CARMIL1: variants seen among roughly 807,000 people sequenced by gnomAD.
CARMIL1 encodes the protein capping protein regulator and myosin 1 linker 1.
In CARMIL1, 90 loss-of-function variants were observed where a neutral mutation model predicts 177.1. The ratio of observed to expected loss-of-function variants is 0.51; its 90% confidence interval spans 0.43 to 0.61. The LOEUF (loss-of-function observed/expected upper bound fraction) is 0.61. Ranked by LOEUF, CARMIL1 falls within the 20% of genes least tolerant of loss-of-function variation. CARMIL1 has a pLI of 0.00. For missense variants in CARMIL1, 1,380 were observed against 1,667.0 expected (o/e 0.83, Z 3.00); for synonymous variants, 577 against 606.2 (o/e 0.95, Z 0.71).
At chr6:25,363,397 A>ATT (rs71823484) in intron 2 of CARMIL1, among the ~76,000 whole-genome samples, 1 of 151,778 alleles carries the variant, frequency 6.6e-6, no homozygotes, top group East Asian at 1.9e-4. Flanking sequence ...ACCACGGAAG[A>ATT]TTTTTTTCCT....
chr6:25,619,733 CTTTTTTTTTTTTTT>C lies in CARMIL1; in HGVS notation c.*165_*178del, dbSNP rs59911299. 4.1e-4 allele frequency: 38 copies of C among 93,272 alleles called. No individual in the cohort carries two copies. Among genetic ancestry groups the C allele is most frequent in the African/African-American group, 9.4e-4 (14 of 14,962 alleles). 5.8% of individuals were successfully genotyped at this position (93,272 alleles called of 1,614,324 possible). On this transcript the variant is annotated 3_prime_UTR_variant, in exon 37 of 37. Coordinates refer to ENST00000329474, the MANE Select transcript of CARMIL1 (RefSeq NM_017640.6). ...TTTCGCCCCCACCCCCATCCCCTGC[CTTTTTTTTTTTTTT>C]TTTTTTTTTTTTTTGTATAGAAACA... is the stretch of plus-strand genomic sequence containing the variant.
At chr6:25,427,631 G>A (rs1172434251) in intron 4 of CARMIL1, among the ~76,000 whole-genome samples, 1 of 152,144 alleles carries the variant, frequency 6.6e-6, no homozygotes, top group African/African-American at 2.4e-5. Flanking sequence ...TTGAGAAACC[G>A]TCACACTTTT....
chr6:25,444,779 G>A (rs1326266915), intron 5 of CARMIL1, among the ~76,000 whole-genome samples: 1 of 152,150 alleles, frequency 6.6e-6, no homozygotes, highest in East Asian at 1.9e-4. Flanking sequence ...ATCATTGATG[G>A]ACATCTGGTA....
intron 2 of CARMIL1, among the ~76,000 whole-genome samples, chr6:25,395,901 G>C (rs1284105468): frequency 6.6e-6 from 1 of 152,194 alleles, no homozygotes; most frequent in African/African-American, 2.4e-5. Flanking sequence ...CCACTTGGAT[G>C]GCTCCTAGGA....
At chr6:25,552,805 T>C (rs1160098576) in intron 27 of CARMIL1, among the ~76,000 whole-genome samples, 1 of 152,136 alleles carries the variant, frequency 6.6e-6, no homozygotes, top group African/African-American at 2.4e-5. Flanking sequence ...TATGAGGAAG[T>C]ATAATTTCTA....
chr6:25,305,967 C>T (rs1561960383), intron 2 of CARMIL1, among the ~76,000 whole-genome samples: 1 of 152,002 alleles, frequency 6.6e-6, no homozygotes. Context: ...ACCATTTTAA[C>T]CACTATTAAT....
intron 2 of CARMIL1, among the ~76,000 whole-genome samples, chr6:25,413,131 C>G (rs1795065793): frequency 6.9e-6 from 1 of 144,866 alleles, no homozygotes; most frequent in Non-Finnish European, 1.5e-5. Context: ...TGCCTCACCA[C>G]CTGCCCTTCT....
chr6:25,441,337 A>ATATATGTGTGTGTGTGTG lies in CARMIL1; in HGVS notation c.371+5734_371+5735insATATGTGTGTGTGTGTGT. ...CAAACAAACATATATATATATATAT[A>ATATATGTGTGTGTGTGTG]TGTGTGTGTGTGTGTGTGTGTGTGT... On this transcript the variant is annotated intron_variant, in intron 5 of 36. Transcript: ENST00000329474. Among the ~76,000 whole-genome samples, 286 of 94,512 alleles carry ATATATGTGTGTGTGTGTG rather than the reference A, an allele frequency of 3.0e-3. 6 individuals are homozygous for ATATATGTGTGTGTGTGTG. Among genetic ancestry groups the ATATATGTGTGTGTGTGTG allele is most frequent in the African/African-American group, 0.011 (257 of 22,848 alleles). 62.0% of individuals were successfully genotyped at this position (94,512 alleles called of 152,430 possible).
chr6:25,294,020 C>T (rs9366615), intron 2 of CARMIL1, among the ~76,000 whole-genome samples: 9,279 of 152,304 alleles, frequency 0.061, 488 homozygotes, highest in East Asian at 0.29. Flanking sequence ...CTGTGCCCAA[C>T]CCAAGGTTTT....
chr6:25,309,861 C>T (rs1447841981), intron 2 of CARMIL1, among the ~76,000 whole-genome samples: 1 of 150,584 alleles, frequency 6.6e-6, no homozygotes, highest in Non-Finnish European at 1.5e-5. Context: ...GCTCCGTCTC[C>T]TGGGTTCAAG....
chr6:25,438,758 G>A (rs376148202), intron 5 of CARMIL1, among the ~76,000 whole-genome samples: 29 of 152,282 alleles, frequency 1.9e-4, no homozygotes, highest in African/African-American at 6.5e-4. Flanking sequence ...GTAGAGCCTC[G>A]TGGGAAAGAG....
At chr6:25,573,949 G>A (rs1035092661) in intron 29 of CARMIL1, among the ~76,000 whole-genome samples, 1 of 152,176 alleles carries the variant, frequency 6.6e-6, no homozygotes, top group African/African-American at 2.4e-5. Context: ...CAGGAAGCCA[G>A]ACACTTTTTA....
chr6:25,409,086 T>C (rs1576169), intron 2 of CARMIL1, among the ~76,000 whole-genome samples: 58,796 of 152,010 alleles, frequency 0.39, 11,611 homozygotes, highest in Middle Eastern at 0.56. Context: ...TTCCTTTATA[T>C]CAAAGTTTAT....
intron 12 of CARMIL1, 147 bp downstream of exon 12, chr6:25,482,490 A>G: frequency 4.1e-6 from 2 of 487,550 alleles, no homozygotes; most frequent in Non-Finnish European, 7.0e-6. Flanking sequence ...CAGTTTGAAG[A>G]TAAAGACTTT....
rs542995326 is a variant in CARMIL1 at position 25,501,376 on chromosome 6, T to C, written c.1395+1141T>C. On this transcript the variant is annotated intron_variant, in intron 17 of 36. Transcript: ENST00000329474. ...CTCCTGCATGCGTGCATCAGCTTCC[T>C]AGGCTATGCAATCCTGGATGAATTG... Among the ~76,000 whole-genome samples, 7 of 152,314 alleles carry C rather than the reference T, an allele frequency of 4.6e-5. No individual in the cohort carries two copies. In the South Asian group the frequency reaches 1.2e-3, roughly 27 times the overall value.
chr6:25,304,330 A>G (rs1783094607), intron 2 of CARMIL1, among the ~76,000 whole-genome samples: 1 of 152,202 alleles, frequency 6.6e-6, no homozygotes, highest in East Asian at 1.9e-4. Flanking sequence ...AAGTTCAAGT[A>G]TAGATTGCTT....
At chr6:25,412,218 T>A (rs1027270378) in intron 2 of CARMIL1, among the ~76,000 whole-genome samples, 3 of 152,198 alleles carry the variant, frequency 2.0e-5, no homozygotes, top group African/African-American at 7.2e-5. Flanking sequence ...TCTGAGCACT[T>A]TAGGTGTATT....
At chr6:25,534,105 A>C (rs1466474840) in intron 24 of CARMIL1, among the ~76,000 whole-genome samples, 10 of 148,960 alleles carry the variant, frequency 6.7e-5, no homozygotes, top group African/African-American at 2.2e-4. Context: ...CTTTTTACTA[A>C]CTACCTTCTA....
chr6:25,283,427 T>G (rs141076070), intron 1 of CARMIL1, among the ~76,000 whole-genome samples: 4 of 152,246 alleles, frequency 2.6e-5, no homozygotes, highest in African/African-American at 9.6e-5. Context: ...AGGTAGATTT[T>G]AGGAGACTGA....
Sources: gnomAD v4.1 joint callset for allele counts (sites outside exome capture counted in the v4.1 genomes callset) on GRCh38, gnomAD v4.1.1 for gene constraint, MANE v1.5 for transcripts, NCBI Gene and HGNC (gene_info 2026-07-23, HGNC 2026-07-21) for gene names.